Variants in SLC16A7 observed in about 807,000 individuals in gnomAD.
SLC16A7 encodes the protein monocarboxylate transporter 2.
SLC16A7 carries 33 observed loss-of-function variants against 34.9 expected under a neutral mutation model. That is an observed-to-expected ratio of 0.94 (90% confidence interval 0.72 to 1.26). The LOEUF is 1.26. Ranked by LOEUF, SLC16A7 falls within the 50% of genes most tolerant of loss-of-function variation. The probability of loss-of-function intolerance (pLI) is 0.00; values close to 1 mark genes in which losing one functional copy is unlikely to be tolerated. For synonymous variants in SLC16A7, 201 were observed against 206.6 expected, an observed-to-expected ratio of 0.97 and a Z score of 0.23; for missense variants, 573 against 578.1, an observed-to-expected ratio of 0.99 and a Z score of 0.09.
chr12:59,775,976 A>C (rs932060375), intron 5 of SLC16A7, among the ~76,000 whole-genome samples: 2 of 152,214 alleles, frequency 1.3e-5, no homozygotes, highest in African/African-American at 4.8e-5. Context: ...ATATTCATGT[A>C]TCTATTCCAT....
chr12:59,636,354 A>G (rs1448689550), intron 1 of SLC16A7, among the ~76,000 whole-genome samples: 4 of 152,152 alleles, frequency 2.6e-5, no homozygotes. Flanking sequence ...TTTCTAATGT[A>G]TGGAACAAAA....
At chr12:59,687,571 A>G (rs1371326677) in intron 2 of SLC16A7, among the ~76,000 whole-genome samples, 1 of 151,990 alleles carries the variant, frequency 6.6e-6, no homozygotes, top group Admixed American at 6.6e-5. Context: ...TGTTTTATGC[A>G]CCCTAGCTCA....
Position 59,775,137 on chromosome 12 carries a change from CG to C in SLC16A7, c.844del (p.Ala282GlnfsTer19). 1.9e-6 allele frequency: 3 copies of C among 1,614,050 alleles called. No homozygotes were observed. Among genetic ancestry groups the C allele is most frequent in the Non-Finnish European group, 2.5e-6 (3 of 1,179,990 alleles). ...AAAGACCAAGGAATTGATGAGTACTCGGCAGCTTTTCTGCTATCTGTTATGG... is the reference window on the plus strand; with the variant it reads ...AAAGACCAAGGAATTGATGAGTACTCGCAGCTTTTCTGCTATCTGTTATGG... ...YAKDQGIDEY[S>X]AAFLLSVMAF... On this transcript the variant is annotated frameshift_variant, in exon 5 of 6. Transcript: ENST00000547379. LOFTEE classifies it high-confidence loss of function.
At chr12:59,646,792 G>A (rs577560586) in intron 1 of SLC16A7, among the ~76,000 whole-genome samples, 3 of 152,316 alleles carry the variant, frequency 2.0e-5, no homozygotes, top group African/African-American at 7.2e-5. Flanking sequence ...CAGGGGCAGA[G>A]CTGTTTAAGG....
chr12:59,730,859 A>G (rs1876870863), intron 3 of SLC16A7, among the ~76,000 whole-genome samples: 2 of 152,362 alleles, frequency 1.3e-5, no homozygotes, highest in South Asian at 4.1e-4. Context: ...CTTGCTCTCA[A>G]GTCTCTTCAC....
chr12:59,714,652 C>T (rs1226471330), intron 3 of SLC16A7, among the ~76,000 whole-genome samples: 1 of 152,016 alleles, frequency 6.6e-6, no homozygotes, highest in Non-Finnish European at 1.5e-5. Context: ...GCAACCTCCG[C>T]CTCCCAGGTC....
At chr12:59,609,142 A>G (rs76506326) in intron 1 of SLC16A7, among the ~76,000 whole-genome samples, 3 of 152,338 alleles carry the variant, frequency 2.0e-5, no homozygotes, top group South Asian at 2.1e-4. Flanking sequence ...CGGTATCCCT[A>G]TGTGGTACAG....
chr12:59,615,361 A>T (rs1879401238), intron 1 of SLC16A7, among the ~76,000 whole-genome samples: 2 of 151,918 alleles, frequency 1.3e-5, no homozygotes, highest in Middle Eastern at 3.4e-3. Context: ...CTGAAAATGA[A>T]AAAAAAACCA....
At chr12:59,610,019 A>G (rs372683036) in intron 1 of SLC16A7, among the ~76,000 whole-genome samples, 4 of 152,168 alleles carry the variant, frequency 2.6e-5, no homozygotes, top group East Asian at 1.9e-4. Flanking sequence ...GGGCATTGCT[A>G]TCTCCAATTT....
intron 5 of SLC16A7, 33 bp downstream of exon 5, chr12:59,775,508 G>A (rs1277404665): frequency 1.3e-6 from 2 of 1,514,830 alleles, no homozygotes; most frequent in African/African-American, 1.4e-5. Flanking sequence ...AAAATGTAAA[G>A]CATAAAATTA....
At chr12:59,741,604 C>T (rs1375426673) in intron 3 of SLC16A7, among the ~76,000 whole-genome samples, 1 of 152,174 alleles carries the variant, frequency 6.6e-6, no homozygotes. Context: ...TTTTCAGTTA[C>T]CACCATTCTT....
intron 3 of SLC16A7, among the ~76,000 whole-genome samples, chr12:59,764,848 A>G (rs1356377264): frequency 1.3e-5 from 2 of 152,168 alleles, no homozygotes; most frequent in Non-Finnish European, 2.9e-5. Flanking sequence ...GTATATACCC[A>G]GTAATGGGAT....
At chr12:59,686,105 T>C (rs2137083134) in intron 2 of SLC16A7, among the ~76,000 whole-genome samples, 1 of 149,586 alleles carries the variant, frequency 6.7e-6, no homozygotes, top group Middle Eastern at 3.4e-3. Flanking sequence ...CTTTTTTTTT[T>C]TTTTTTTTTT....
intron 2 of SLC16A7, among the ~76,000 whole-genome samples, chr12:59,657,805 G>A (rs1374650031): frequency 6.6e-6 from 1 of 151,958 alleles, no homozygotes; most frequent in Non-Finnish European, 1.5e-5. Flanking sequence ...TAGAGGGGAA[G>A]AACCAATGAT....
At chr12:59,646,084 C>T (rs553186556) in intron 1 of SLC16A7, among the ~76,000 whole-genome samples, 3 of 152,020 alleles carry the variant, frequency 2.0e-5, no homozygotes, top group Admixed American at 6.5e-5. Flanking sequence ...CCTAACAATA[C>T]GATAGAAAAG....
At chr12:59,673,183 T>G (rs1189879159) in intron 2 of SLC16A7, among the ~76,000 whole-genome samples, 3 of 152,200 alleles carry the variant, frequency 2.0e-5, no homozygotes, top group Non-Finnish European at 4.4e-5. Flanking sequence ...TGCTACATAA[T>G]ATTTCCACGT....
At chr12:59,720,381 C>A (rs1875432259) in intron 3 of SLC16A7, among the ~76,000 whole-genome samples, 2 of 151,800 alleles carry the variant, frequency 1.3e-5, no homozygotes, top group Non-Finnish European at 2.9e-5. Context: ...TTGAAAAGGA[C>A]CAGTCATAGT....
At chr12:59,761,156 A>T in intron 3 of SLC16A7, 1 of 1,286,566 alleles carries the variant, frequency 7.8e-7, no homozygotes, top group Non-Finnish European at 1.0e-6. Context: ...TGATCTTCAC[A>T]TCCTTGAGGA....
chr12:59,755,866 G>C lies in SLC16A7; in HGVS notation c.218-15353G>C, dbSNP rs563624525. Among the ~76,000 whole-genome samples the C allele has an allele frequency of 4.7e-4, 71 of 152,188 alleles. 1 individual carries two copies. The East Asian group carries it at 0.013, about 28-fold the overall frequency. On this transcript the variant is annotated intron_variant, in intron 3 of 5. Coordinates refer to ENST00000547379, the MANE Select transcript of SLC16A7 (RefSeq NM_001270623.2). ...ACCTGACTTCAAACTATACTACAAG[G>C]CTACAGTCACCAAAACAGCATGGTA...
Sources: gnomAD v4.1 joint callset for allele counts (sites outside exome capture counted in the v4.1 genomes callset) on GRCh38, gnomAD v4.1.1 for gene constraint, MANE v1.5 for transcripts, NCBI Gene and HGNC (gene_info 2026-07-23, HGNC 2026-07-21) for gene names.